The following ST3GAL3 variants were observed in gnomAD, a reference collection of about 807,000 sequenced individuals.
The protein encoded by ST3GAL3 is ST3 beta-galactoside alpha-2,3-sialyltransferase 3.
A neutral mutation model predicts 50.1 loss-of-function variants in ST3GAL3; 21 were observed. That is an observed-to-expected ratio of 0.42 (90% CI 0.30 to 0.60). ST3GAL3 has a LOEUF of 0.60. Among genes scored for constraint, ST3GAL3 ranks in the 20% least tolerant of loss-of-function variants. ST3GAL3 has a pLI of 0.19. For synonymous variants in ST3GAL3, 183 were observed against 190.0 expected (o/e 0.96, Z 0.30); for missense variants, 353 against 489.4 (o/e 0.72, Z 2.63).
Position 43,733,751 on chromosome 1 carries a change from A to ATTT in ST3GAL3, c.-30-2482_-30-2481insTTT, listed in dbSNP as rs201629396. On this transcript the variant is annotated intron_variant, in intron 1 of 11. Coordinates refer to ENST00000347631, the MANE Select transcript of ST3GAL3 (RefSeq NM_006279.5). ...CAGAAAATTCATGGATTTTGACTGGAATGAAACTGAATTTATAGAAAACTC... is the reference window on the plus strand; with the variant it reads ...CAGAAAATTCATGGATTTTGACTGGATTTATGAAACTGAATTTATAGAAAACTC... Among the ~76,000 whole-genome samples, 994 of 152,376 alleles carry ATTT rather than the reference A, an allele frequency of 6.5e-3. 10 individuals are homozygous for ATTT. The highest frequency in any genetic ancestry group is 0.023 in the African/African-American group (950 of 41,588).
chr1:43,835,684 A>AAAG (rs2064213113), intron 4 of ST3GAL3, among the ~76,000 whole-genome samples: 1 of 152,128 alleles, frequency 6.6e-6, no homozygotes, highest in South Asian at 2.1e-4. Flanking sequence ...AGAGGTGGCC[A>AAAG]AAGGTCTGTC....
intron 5 of ST3GAL3, among the ~76,000 whole-genome samples, chr1:43,875,000 A>G (rs534317869): frequency 3.9e-5 from 6 of 152,216 alleles, no homozygotes; most frequent in South Asian, 4.1e-4. Context: ...AGCCAGACAT[A>G]TTCAGCTGTG....
chr1:43,801,247 T>C (rs1297891943), intron 3 of ST3GAL3: 1 of 456,308 alleles, frequency 2.2e-6, no homozygotes, highest in East Asian at 6.9e-5. Context: ...TTGTCATCAG[T>C]AGCAGTCATT....
chr1:43,782,847 T>C (rs988990938), intron 2 of ST3GAL3, among the ~76,000 whole-genome samples: 1 of 152,234 alleles, frequency 6.6e-6, no homozygotes, highest in Non-Finnish European at 1.5e-5. Flanking sequence ...TCAAAATTCG[T>C]TTGGCAGTAA....
At chr1:43,756,893 A>G (rs1250865203) in intron 2 of ST3GAL3, among the ~76,000 whole-genome samples, 1 of 151,958 alleles carries the variant, frequency 6.6e-6, no homozygotes, top group African/African-American at 2.4e-5. Flanking sequence ...ATGTTACTAA[A>G]TCTCCCCAAT....
At chr1:43,771,515 G>A (rs1192804609) in intron 2 of ST3GAL3, among the ~76,000 whole-genome samples, 1 of 151,950 alleles carries the variant, frequency 6.6e-6, no homozygotes, top group East Asian at 1.9e-4. Context: ...CTGCCACCAC[G>A]CCTGGCTAAT....
chr1:43,735,038 G>A (rs1677790146), intron 1 of ST3GAL3, among the ~76,000 whole-genome samples: 1 of 152,152 alleles, frequency 6.6e-6, no homozygotes, highest in South Asian at 2.1e-4. Context: ...TCAATGAATA[G>A]AAAGTACAAT....
At chr1:43,728,390 T>C (rs1273935574) in intron 1 of ST3GAL3, among the ~76,000 whole-genome samples, 1 of 151,140 alleles carries the variant, frequency 6.6e-6, no homozygotes. Flanking sequence ...GTACTAGATA[T>C]GCTTCATGCT....
intron 3 of ST3GAL3, among the ~76,000 whole-genome samples, chr1:43,797,897 C>T (rs912209643): frequency 2.0e-5 from 3 of 152,108 alleles, no homozygotes; most frequent in Admixed American, 1.3e-4. Flanking sequence ...TGACAGGATA[C>T]GAGGTCAAAA....
chr1:43,894,653 T>G (rs1016755997), intron 6 of ST3GAL3, among the ~76,000 whole-genome samples, 176 bp downstream of exon 6: 3 of 151,938 alleles, frequency 2.0e-5, no homozygotes, highest in African/African-American at 7.2e-5. Context: ...TTGTTTTTTT[T>G]TTTTGAGATA....
At chr1:43,919,525 C>T (rs1394081854) in intron 9 of ST3GAL3, 3 of 152,300 alleles carry the variant, frequency 2.0e-5, no homozygotes, top group Admixed American at 6.5e-5. Context: ...ATGGGTTGAT[C>T]CCAAGTTCGG....
intron 1 of ST3GAL3, among the ~76,000 whole-genome samples, chr1:43,719,428 G>A (rs1211611150): frequency 2.6e-5 from 4 of 151,528 alleles, no homozygotes; most frequent in East Asian, 2.0e-4. Context: ...TTGGGAGGCC[G>A]AGATGAGCGG....
chr1:43,734,192 C>G (rs1388739139), intron 1 of ST3GAL3, among the ~76,000 whole-genome samples: 1 of 151,418 alleles, frequency 6.6e-6, no homozygotes. Flanking sequence ...TTGCCCATTT[C>G]TTGCTAAGTT....
At chr1:43,823,471 C>T (rs1369155175) in intron 4 of ST3GAL3, among the ~76,000 whole-genome samples, 2 of 152,166 alleles carry the variant, frequency 1.3e-5, no homozygotes, top group African/African-American at 4.8e-5. Context: ...GAAGAGATTG[C>T]GCACTCTCTT....
At position 43,808,176 on chromosome 1, in the gene ST3GAL3, C is replaced by T. The variant is rs1251239653; in HGVS notation, c.167-6715C>T. Among the ~76,000 whole-genome samples, 7 of 151,506 alleles carry T rather than the reference C, an allele frequency of 4.6e-5. No individual in the cohort carries two copies. The South Asian group carries it at 6.3e-4, about 14-fold the overall frequency. ...AAAATTAGCCAGGCATAGTGGCGGG[C>T]GCCTGTAATCCCAGCTACTCGGGAG... On this transcript the variant is annotated intron_variant, in intron 3 of 11. Coordinates refer to ENST00000347631, the MANE Select transcript of ST3GAL3 (RefSeq NM_006279.5).
At chr1:43,789,569 G>T (rs913168469) in intron 2 of ST3GAL3, among the ~76,000 whole-genome samples, 2 of 152,298 alleles carry the variant, frequency 1.3e-5, no homozygotes, top group Middle Eastern at 3.4e-3. Flanking sequence ...TGTGAGAAAT[G>T]CTGATAAAGA....
chr1:43,793,156 T>C (rs1426503866), intron 3 of ST3GAL3, among the ~76,000 whole-genome samples: 1 of 152,224 alleles, frequency 6.6e-6, no homozygotes, highest in Non-Finnish European at 1.5e-5. Context: ...TTTTACTGTG[T>C]GCCAGCACTG....
chr1:43,905,959 A>C (rs1299989885), intron 9 of ST3GAL3, among the ~76,000 whole-genome samples: 347 of 5,776 alleles, frequency 0.06, no homozygotes, highest in Admixed American at 0.11. Flanking sequence ...CTCTCCCACC[A>C]CTCTCCCCTC....
rs5773815 is a variant in ST3GAL3, at chr1:43,857,469, C to CTCCTTCCTTCCTTCCTTCCT, written c.302+19170_302+19189dup. ...GCTTATATTTTATATGTGTATTTCC[C>CTCCTTCCTTCCTTCCTTCCT]TCCTTCCTTCCTTCCTTCCTTCCTT... On this transcript the variant is annotated intron_variant, in intron 5 of 11. Coordinates refer to ENST00000347631, the MANE Select transcript of ST3GAL3 (RefSeq NM_006279.5). Among the ~76,000 whole-genome samples, 1,073 of 129,420 alleles carry CTCCTTCCTTCCTTCCTTCCT rather than the reference C, an allele frequency of 8.3e-3. 27 individuals carry two copies. The highest frequency in any genetic ancestry group is 0.028 in the African/African-American group (1,032 of 36,790). The allele number at this position is 129,420 out of a possible 152,430, so 84.9% of individuals were successfully genotyped here.
Sources: gnomAD v4.1 joint callset for allele counts (sites outside exome capture counted in the v4.1 genomes callset) on GRCh38, gnomAD v4.1.1 for gene constraint, MANE v1.5 for transcripts, NCBI Gene and HGNC (gene_info 2026-07-23, HGNC 2026-07-21) for gene names.